Variants in TENM2 observed in about 807,000 individuals in gnomAD.
TENM2 encodes the protein teneurin-2.
In TENM2, 52 loss-of-function variants were observed where a neutral mutation model predicts 245.2. The ratio of observed to expected loss-of-function variants is 0.21; its 90% CI spans 0.17 to 0.27. The LOEUF is 0.27. TENM2 is among the 10% of genes least tolerant of loss of function. The pLI is 1.00. For synonymous variants in TENM2, 1,363 were observed against 1,438.9 expected, an observed-to-expected ratio of 0.95 and a Z score of 1.19; for missense variants, 3,046 against 3,666.8, an observed-to-expected ratio of 0.83 and a Z score of 4.37.
At chr5:168,025,734 A>C (rs1333320442) in intron 5 of TENM2, among the ~76,000 whole-genome samples, 1 of 152,182 alleles carries the variant, frequency 6.6e-6, no homozygotes, top group Non-Finnish European at 1.5e-5. Context: ...AAATGCCGCC[A>C]TTGAAGATGT....
At chr5:167,004,830 G>T in the TENM2 span, among the ~76,000 whole-genome samples, 29 of 152,234 alleles carry the variant, frequency 1.9e-4, no homozygotes, top group Non-Finnish European at 3.5e-4. Flanking sequence ...TGTGCAGCGT[G>T]CTTGTGCAAG....
intron 3 of TENM2, among the ~76,000 whole-genome samples, chr5:167,943,815 A>T (rs1779381208): frequency 6.6e-6 from 1 of 152,168 alleles, no homozygotes; most frequent in African/African-American, 2.4e-5. Context: ...AGGGCAATTG[A>T]AAAACCCAAA....
At chr5:167,162,171 CA>C in the TENM2 span, among the ~76,000 whole-genome samples, 85 of 99,130 alleles carry the variant, frequency 8.6e-4, no homozygotes, top group Admixed American at 1.3e-3. Flanking sequence ...GACTCCGTCT[CA>C]AAAAAAAAAA....
chr5:167,095,428 G>A, the TENM2 span, among the ~76,000 whole-genome samples: 1 of 152,082 alleles, frequency 6.6e-6, no homozygotes, highest in Non-Finnish European at 1.5e-5. Context: ...AAGTGAAGAG[G>A]GACTTGAGGT....
chr5:167,514,098 A>G (rs1316658780), intron 2 of TENM2, among the ~76,000 whole-genome samples: 2 of 152,252 alleles, frequency 1.3e-5, no homozygotes, highest in African/African-American at 4.8e-5. Flanking sequence ...TCTTCAACTC[A>G]GTGGCCCCAT....
At chr5:167,131,144 G>A in the TENM2 span, among the ~76,000 whole-genome samples, 2 of 152,070 alleles carry the variant, frequency 1.3e-5, no homozygotes, top group Admixed American at 6.5e-5. Context: ...TCTCATCATG[G>A]TTAGGTTAAA....
chr5:168,093,541 TAGAC>T (rs1444642067), intron 8 of TENM2, among the ~76,000 whole-genome samples: 1 of 152,178 alleles, frequency 6.6e-6, no homozygotes. Flanking sequence ...AGGAAAATGT[TAGAC>T]AGGTGCCTAC....
the TENM2 span, among the ~76,000 whole-genome samples, chr5:167,070,750 G>C: frequency 6.6e-6 from 1 of 152,068 alleles, no homozygotes; most frequent in Non-Finnish European, 1.5e-5. Flanking sequence ...TTGAGCTGTA[G>C]AGCCTGGTGA....
intron 2 of TENM2, among the ~76,000 whole-genome samples, chr5:167,820,246 G>A (rs1767409690): frequency 6.6e-6 from 1 of 152,180 alleles, no homozygotes; most frequent in Admixed American, 6.5e-5. Context: ...GGGAAGAGAG[G>A]GGGAGAAATA....
intron 2 of TENM2, among the ~76,000 whole-genome samples, chr5:167,757,106 TTTTAC>T (rs544968297): frequency 1.2e-3 from 186 of 151,636 alleles, no homozygotes; most frequent in African/African-American, 4.2e-3. Flanking sequence ...TATTTTTAAA[TTTTAC>T]TTTAAGTTCT....
chr5:167,924,844 T>G (rs1166520145), intron 3 of TENM2, among the ~76,000 whole-genome samples: 1 of 152,200 alleles, frequency 6.6e-6, no homozygotes, highest in Admixed American at 6.5e-5. Context: ...TTAGGTATCA[T>G]TTCATAAGCC....
At chr5:167,610,944 A>T (rs888206116) in intron 2 of TENM2, among the ~76,000 whole-genome samples, 5 of 152,178 alleles carry the variant, frequency 3.3e-5, no homozygotes, top group Non-Finnish European at 7.4e-5. Context: ...ATTTTATTAC[A>T]TACTTTCTCT....
chr5:167,323,088 C>A (rs543227462), intron 1 of TENM2, among the ~76,000 whole-genome samples: 15 of 152,214 alleles, frequency 9.9e-5, no homozygotes, highest in Non-Finnish European at 2.1e-4. Flanking sequence ...CTGAATGACC[C>A]TCACATCATA....
chr5:168,021,577 C>T (rs140272325), intron 5 of TENM2, among the ~76,000 whole-genome samples: 9 of 152,222 alleles, frequency 5.9e-5, no homozygotes, highest in African/African-American at 1.9e-4. Context: ...ATTTATTCCA[C>T]GTTTTGGTTT....
At chr5:168,106,760 G>A (rs1200454524) in intron 9 of TENM2, among the ~76,000 whole-genome samples, 1 of 152,172 alleles carries the variant, frequency 6.6e-6, no homozygotes, top group Admixed American at 6.5e-5. Context: ...GAGAGCCAGA[G>A]TTTGAAACAA....
In TENM2 at chr5:168,228,027, G is replaced by A. The variant is rs376029182; in HGVS notation, c.5417G>A (p.Cys1806Tyr). The change falls in exon 25 of 29, where the codon TGC becomes TAC. Residue 1806 changes from cysteine to tyrosine, a missense_variant. Around this residue, in one of 2 missense-constraint regions of TENM2, gnomAD observed 2,704 missense variants for 3,331.9 expected, o/e 0.81. Coordinates refer to ENST00000518659, the Ensembl canonical transcript of TENM2. The stretch of plus-strand genomic sequence containing the variant: ...ACCATCACCCCCACCATTGGACGCT[G>A]CAACATCTCCCTGCCTATGGAGAAT... 1.5e-5 allele frequency: 25 copies of A among 1,613,784 alleles called. No individual in the cohort carries two copies. Among genetic ancestry groups the A allele is most frequent in the Non-Finnish European group, 1.9e-5 (23 of 1,179,864 alleles).
intron 2 of TENM2, among the ~76,000 whole-genome samples, chr5:167,478,245 G>C (rs1561989097): frequency 6.6e-6 from 1 of 152,168 alleles, no homozygotes; most frequent in African/African-American, 2.4e-5. Flanking sequence ...TGCAGGAGCT[G>C]CTTCTGTTTC....
intron 13 of TENM2, among the ~76,000 whole-genome samples, chr5:168,175,599 G>A (rs1309737425): frequency 6.6e-6 from 1 of 152,182 alleles, no homozygotes; most frequent in Non-Finnish European, 1.5e-5. Context: ...GAGTCAAACA[G>A]TGGAAGGGCT....
At chr5:167,932,753 CT>C (rs1340589072) in intron 3 of TENM2, among the ~76,000 whole-genome samples, 2 of 152,024 alleles carry the variant, frequency 1.3e-5, no homozygotes, top group African/African-American at 4.8e-5. Context: ...CACGCAGTCT[CT>C]ATCACATATT....
Sources: allele counts gnomAD v4.1 joint callset (sites outside exome capture counted in the v4.1 genomes callset), GRCh38; gene constraint gnomAD v4.1.1; regional missense constraint gnomAD v4.1.1; transcripts MANE v1.5; gene names NCBI Gene and HGNC (gene_info 2026-07-23, HGNC 2026-07-21).